FSTL5: variants seen among roughly 807,000 people sequenced by gnomAD.
FSTL5 encodes follistatin-related protein 5.
A neutral mutation model predicts 89.1 loss-of-function variants in FSTL5; 62 were observed. The ratio of observed to expected loss-of-function variants is 0.70; its 90% CI spans 0.57 to 0.86. The LOEUF is 0.86. Ranked by LOEUF, FSTL5 falls within the 40% of genes least tolerant of loss-of-function variation. The pLI, the probability that FSTL5 is intolerant of heterozygous loss-of-function variation, is 0.00. For synonymous variants in FSTL5, 383 were observed against 346.2 expected (o/e 1.11, Z -1.18); for missense variants, 1,057 against 1,001.6 (o/e 1.06, Z -0.75).
chr4:161,977,639 A>AAAAAAAAAAAT (rs1553988132), intron 3 of FSTL5, among the ~76,000 whole-genome samples: 54 of 101,210 alleles, frequency 5.3e-4, no homozygotes, highest in Non-Finnish European at 7.8e-4. Flanking sequence ...AAAAAAAAAA[A>AAAAAAAAAAAT]AATAATAATA....
At chr4:161,437,922 C>T (rs865891973) in intron 15 of FSTL5, among the ~76,000 whole-genome samples, 5 of 152,078 alleles carry the variant, frequency 3.3e-5, no homozygotes, top group Admixed American at 6.5e-5. Context: ...TAAGAAGACT[C>T]GGGAGTGATA....
chr4:161,459,116 T>A, intron 14 of FSTL5, 96 bp downstream of exon 14: 1 of 856,204 alleles, frequency 1.2e-6, no homozygotes, highest in Non-Finnish European at 1.9e-6. Flanking sequence ...AGTCCTCAGA[T>A]GGAAAAATAT....
intron 5 of FSTL5, among the ~76,000 whole-genome samples, chr4:161,769,838 A>C (rs550147836): frequency 6.6e-6 from 1 of 152,072 alleles, no homozygotes; most frequent in East Asian, 1.9e-4. Flanking sequence ...AAAGAAATAA[A>C]ATTTGGAAAG....
At chr4:161,848,577 C>T (rs1290468084) in intron 4 of FSTL5, among the ~76,000 whole-genome samples, 1 of 152,076 alleles carries the variant, frequency 6.6e-6, no homozygotes, top group Non-Finnish European at 1.5e-5. Context: ...TTATATGTAG[C>T]ATTATTTTTT....
chr4:161,982,184 G>C (rs762916079), intron 3 of FSTL5, among the ~76,000 whole-genome samples: 1 of 152,148 alleles, frequency 6.6e-6, no homozygotes, highest in Non-Finnish European at 1.5e-5. Flanking sequence ...ATAGCAACTT[G>C]TTGAGCCCTG....
At chr4:161,998,999 G>T (rs1736384623) in intron 3 of FSTL5, among the ~76,000 whole-genome samples, 2 of 152,098 alleles carry the variant, frequency 1.3e-5, no homozygotes, top group South Asian at 4.1e-4. Context: ...ACTCCAAAGG[G>T]AGGAGGGTCT....
At chr4:161,549,948 A>C (rs1035787090) in intron 8 of FSTL5, among the ~76,000 whole-genome samples, 1 of 151,974 alleles carries the variant, frequency 6.6e-6, no homozygotes, top group African/African-American at 2.4e-5. Flanking sequence ...AGACTTACTA[A>C]AACTATAAAA....
intron 6 of FSTL5, among the ~76,000 whole-genome samples, chr4:161,657,797 C>G (rs148010257): frequency 2.0e-5 from 3 of 151,924 alleles, no homozygotes; most frequent in Non-Finnish European, 4.4e-5. Context: ...CACACACACA[C>G]GTTAAATGTT....
At chr4:162,101,697 C>G (rs1236318644) in intron 2 of FSTL5, among the ~76,000 whole-genome samples, 2 of 152,082 alleles carry the variant, frequency 1.3e-5, no homozygotes, top group African/African-American at 4.8e-5. Flanking sequence ...CAAATAAAAC[C>G]CTTCCAGTTG....
chr4:161,956,652 G>A (rs1487036594), intron 3 of FSTL5, among the ~76,000 whole-genome samples: 1 of 151,872 alleles, frequency 6.6e-6, no homozygotes, highest in Non-Finnish European at 1.5e-5. Flanking sequence ...CATATAACTT[G>A]GGGAAAATGA....
At chr4:162,064,912 G>T (rs1738838121) in intron 2 of FSTL5, among the ~76,000 whole-genome samples, 1 of 151,814 alleles carries the variant, frequency 6.6e-6, no homozygotes, top group Non-Finnish European at 1.5e-5. Context: ...AGAGCTGTAG[G>T]CTAAATAAAC....
chr4:161,444,042 T>C (rs1732864505), intron 15 of FSTL5, among the ~76,000 whole-genome samples: 1 of 152,038 alleles, frequency 6.6e-6, no homozygotes, highest in East Asian at 1.9e-4. Context: ...AAAATCTGAG[T>C]TTTTATTTTC....
chr4:161,870,970 T>C lies in FSTL5; in HGVS notation c.409+49434A>G, dbSNP rs139737310. On this transcript the variant is annotated intron_variant, in intron 4 of 15. Coordinates refer to ENST00000306100, the MANE Select transcript of FSTL5 (RefSeq NM_020116.5). ...GTAGATACATCTAAATCAGTAATTT[T>C]ATTTATATCTTTAAAAATATAGCCA... Among the ~76,000 whole-genome samples the C allele has an allele frequency of 6.6e-4, 101 of 152,276 alleles. 1 individual carries two copies. The highest frequency in any genetic ancestry group is 2.3e-3 in the African/African-American group (94 of 41,576).
Position 161,587,574 on chromosome 4 carries a change from T to A in FSTL5, c.896A>T (p.Asp299Val). ...ATACAAGGACCCATCATCTCCAAAGTCCTATTAAAAATAAAATAAAACAAG... is the reference window on the plus strand; with the variant it reads ...ATACAAGGACCCATCATCTCCAAAGACCTATTAAAAATAAAATAAAACAAG... The part of the protein sequence containing the change: ...LNNLDLEDIN[D>V]FGDDGSLYIT... The change falls in exon 8 of 16, where the codon GAC becomes GTC. Residue 299 changes from aspartate to valine, a missense_variant and splice_region_variant. Physicochemically the swap from Asp to Val is radical, Grantham distance 152 (BLOSUM62 -3). This residue lies in a region of FSTL5 where 980 missense variants were observed against 903.2 expected (regional missense o/e 1.08). Transcript: ENST00000306100. 6.3e-7 allele frequency: 1 copy of A among 1,587,416 alleles called. No individual in the cohort carries two copies. Among genetic ancestry groups the A allele is most frequent in the East Asian group, 2.3e-5 (1 of 44,428 alleles).
intron 3 of FSTL5, among the ~76,000 whole-genome samples, chr4:161,969,739 A>G (rs1578903204): frequency 6.6e-6 from 1 of 152,140 alleles, no homozygotes; most frequent in Non-Finnish European, 1.5e-5. Flanking sequence ...CTGCAGGGAA[A>G]TAGAAGAAAC....
intron 3 of FSTL5, among the ~76,000 whole-genome samples, chr4:162,002,375 C>G (rs560719825): frequency 1.3e-5 from 2 of 152,318 alleles, no homozygotes; most frequent in South Asian, 4.1e-4. Flanking sequence ...TAAGCTCCCC[C>G]TGAACTGAAT....
At chr4:161,876,981 T>C (rs1167259288) in intron 4 of FSTL5, among the ~76,000 whole-genome samples, 2 of 151,478 alleles carry the variant, frequency 1.3e-5, no homozygotes, top group Non-Finnish European at 2.9e-5. Context: ...GGTCGGGAGT[T>C]TGAGACCAGC....
Position 161,766,083 on chromosome 4 carries a change from C to T in FSTL5, c.607-6552G>A, listed in dbSNP as rs558896581. 3.3e-5 allele frequency among the ~76,000 whole-genome samples: 5 copies of T among 152,244 alleles called. No individual in the cohort carries two copies. The East Asian group carries it at 5.8e-4, about 18-fold the overall frequency. ...TGATGAGATTACAGGCGTGAGCCAC[C>T]GCGCCAGCTCCTAATATGCATTTTT... On this transcript the variant is annotated intron_variant, in intron 5 of 15. Coordinates refer to ENST00000306100, the MANE Select transcript of FSTL5 (RefSeq NM_020116.5).
At chr4:161,784,931 T>G (rs1465880053) in intron 4 of FSTL5, among the ~76,000 whole-genome samples, 1 of 133,746 alleles carries the variant, frequency 7.5e-6, no homozygotes, top group African/African-American at 2.8e-5. Context: ...AAAGAAGATA[T>G]GCTATCCACA....
Sources: gnomAD v4.1 joint callset for allele counts (sites outside exome capture counted in the v4.1 genomes callset) on GRCh38, gnomAD v4.1.1 for gene constraint, gnomAD v4.1.1 regional missense constraint, MANE v1.5 for transcripts, NCBI Gene and HGNC (gene_info 2026-07-23, HGNC 2026-07-21) for gene names.